SECISBP2: variants seen among roughly 807,000 people sequenced by gnomAD.
The protein encoded by SECISBP2 is SECIS binding protein 2, also known as selenocysteine insertion sequence-binding protein 2.
SECISBP2 carries 96 observed loss-of-function variants against 98.2 expected under a neutral mutation model. That is an observed-to-expected ratio of 0.98 (90% confidence interval 0.83 to 1.16). The LOEUF (loss-of-function observed/expected upper bound fraction) is 1.16. SECISBP2 is among the 50% of genes most tolerant of loss of function. SECISBP2 has a pLI of 0.00. For synonymous variants in SECISBP2, 407 were observed against 370.2 expected, an observed-to-expected ratio of 1.10 and a Z score of -1.14; for missense variants, 1,046 against 1,022.9, an observed-to-expected ratio of 1.02 and a Z score of -0.31.
At chr9:89,362,309 T>C, downstream of SECISBP2, 2 of 1,608,676 alleles carry the variant, frequency 1.2e-6, no homozygotes, top group Non-Finnish European at 1.7e-6. Flanking sequence ...TTCACAGTTG[T>C]GGGGGACCAG....
chr9:89,345,721 C>G (rs1030775107), intron 10 of SECISBP2, among the ~76,000 whole-genome samples: 4 of 152,064 alleles, frequency 2.6e-5, no homozygotes, highest in Non-Finnish European at 4.4e-5. Flanking sequence ...TTTGCAGGAG[C>G]CCAGGTGAGA....
downstream of SECISBP2, chr9:89,363,821 T>C (rs1276660359): frequency 6.2e-7 from 1 of 1,614,036 alleles, no homozygotes; most frequent in African/African-American, 1.3e-5. Context: ...CTCAGCGCTT[T>C]CCCTGATGGC....
In SECISBP2 at chr9:89,341,480, G is replaced by A. The variant is rs1395921612; in HGVS notation, c.1435+1G>A. ...TCCTCCAAACCAGTGGTAGTCTCAG[G>A]TAAGAGAGTCTTTCCATCTCAGGCA... On this transcript the variant is annotated splice_donor_variant, in intron 10 of 16. Coordinates refer to ENST00000375807, the MANE Select transcript of SECISBP2 (RefSeq NM_024077.5). LOFTEE classifies it high-confidence loss of function. The A allele has an allele frequency of 6.2e-7, 1 of 1,613,890 alleles. No homozygotes were observed. Among genetic ancestry groups the A allele is most frequent in the Non-Finnish European group, 8.5e-7 (1 of 1,180,002 alleles).
chr9:89,364,303 G>A (rs1158034077), downstream of SECISBP2: 2 of 375,584 alleles, frequency 5.3e-6, no homozygotes, highest in Non-Finnish European at 1.0e-5. Flanking sequence ...TGGCCCTGCT[G>A]CCACACACAT....
chr9:89,358,701 G>T lies in SECISBP2; in HGVS notation c.2462-20G>T, dbSNP rs372524954. 53 of 1,523,548 alleles carry T rather than the reference G, an allele frequency of 3.5e-5. No homozygotes were observed. The highest frequency in any genetic ancestry group is 3.0e-4 in the Admixed American group (18 of 59,856). The allele number at this position is 1,523,548 out of a possible 1,614,324, so 94.4% of individuals were successfully genotyped here. A position where few individuals can be genotyped will look rare whatever the true frequency, so the allele number is the denominator to read the frequency against. On this transcript the variant is annotated intron_variant, in intron 16 of 16. Transcript: ENST00000375807. ...ACTTGTTGATGCCTATTCCTCACTC[G>T]TGCTGTTTTCTCATTTTAGTTGAAA...
intron 2 of SECISBP2, chr9:89,324,945 G>A (rs1324693811): frequency 1.5e-5 from 3 of 197,496 alleles, no homozygotes; most frequent in East Asian, 1.4e-4. Flanking sequence ...GGTGCCGTGC[G>A]GTGTCTGCTT....
chr9:89,341,217 A>G, intron 9 of SECISBP2, 130 bp from the exon 10 acceptor site: 1 of 863,874 alleles, frequency 1.2e-6, no homozygotes, highest in East Asian at 2.7e-5. Flanking sequence ...TCCTTTCATT[A>G]CTTGAATTTT....
At chr9:89,328,293 G>A (rs1377831400) in intron 4 of SECISBP2, among the ~76,000 whole-genome samples, 1 of 152,086 alleles carries the variant, frequency 6.6e-6, no homozygotes, top group African/African-American at 2.4e-5. Flanking sequence ...GTGAGTAATC[G>A]CACCATGACA....
intron 8 of SECISBP2, among the ~76,000 whole-genome samples, chr9:89,339,287 A>T (rs1319546200): frequency 6.6e-6 from 1 of 152,194 alleles, no homozygotes; most frequent in African/African-American, 2.4e-5. Context: ...TTAGAACATC[A>T]TTTGAGAATA....
intron 10 of SECISBP2, among the ~76,000 whole-genome samples, chr9:89,343,715 C>T (rs1830011499): frequency 6.6e-6 from 1 of 152,202 alleles, no homozygotes; most frequent in African/African-American, 2.4e-5. Flanking sequence ...TGTATATGTA[C>T]CACATTTTCT....
downstream of SECISBP2, chr9:89,361,317 C>G (rs1415151638): frequency 6.6e-6 from 1 of 152,154 alleles, no homozygotes; most frequent in Non-Finnish European, 1.5e-5. Context: ...TTGTCCAGCT[C>G]CAGAAAGAGG....
intron 14 of SECISBP2, among the ~76,000 whole-genome samples, chr9:89,352,440 C>A (rs1460908637): frequency 1.3e-5 from 2 of 152,198 alleles, no homozygotes; most frequent in African/African-American, 4.8e-5. Flanking sequence ...TCATGGGAGG[C>A]ATATTTTGAA....
At chr9:89,352,234 G>A (rs763477814) in intron 14 of SECISBP2, among the ~76,000 whole-genome samples, 1 of 152,112 alleles carries the variant, frequency 6.6e-6, no homozygotes, top group African/African-American at 2.4e-5. Context: ...CCTCTAAGAC[G>A]GTTACACCAG....
intron 7 of SECISBP2, among the ~76,000 whole-genome samples, chr9:89,336,259 C>T (rs1828698747): frequency 6.6e-6 from 1 of 151,748 alleles, no homozygotes; most frequent in Non-Finnish European, 1.5e-5. Flanking sequence ...TGGTCTTGAA[C>T]TCCTGGGCTC....
chr9:89,349,715 G>C, intron 12 of SECISBP2, 61 bp from the exon 13 acceptor site: 2 of 1,587,176 alleles, frequency 1.3e-6, no homozygotes, highest in Non-Finnish European at 1.7e-6. Flanking sequence ...CATTGGGCCA[G>C]CCCCTCAGTG....
chr9:89,358,052 G>C lies in SECISBP2; in HGVS notation c.2322G>C (p.Lys774Asn), dbSNP rs1832366332. The change falls in exon 16 of 17, where the codon AAG (lysine) becomes AAC (asparagine). Residue 774 changes from lysine (K) to asparagine (N), a missense_variant. Physicochemically the swap from Lys to Asn is moderately conservative, Grantham distance 94. Coordinates refer to ENST00000375807, the MANE Select transcript of SECISBP2 (RefSeq NM_024077.5). The part of the protein sequence containing the change: ...ELTVAARQAY[K>N]TMLENVQQEL... ...CAGTGGCGGCCCGACAGGCGTACAAGACCATGCTGGAGAATGTGCAGCAGG... is the reference window on the plus strand; with the variant it reads ...CAGTGGCGGCCCGACAGGCGTACAACACCATGCTGGAGAATGTGCAGCAGG... 6.2e-7 allele frequency: 1 copy of C among 1,613,628 alleles called. No individual in the cohort carries two copies. Among genetic ancestry groups the C allele is most frequent in the African/African-American group, 1.3e-5 (1 of 74,922 alleles).
intron 5 of SECISBP2, 92 bp downstream of exon 5, chr9:89,328,978 T>G: frequency 1.9e-6 from 2 of 1,056,076 alleles, no homozygotes; most frequent in Non-Finnish European, 2.9e-6. Flanking sequence ...GCTGTGGGCT[T>G]TGATGTCCAT....
At chr9:89,327,157 C>T (rs1191849433) in intron 4 of SECISBP2, among the ~76,000 whole-genome samples, 1 of 150,900 alleles carries the variant, frequency 6.6e-6, no homozygotes, top group Non-Finnish European at 1.5e-5. Context: ...GAGCGAGACT[C>T]CGTCTCCAAA....
Position 89,338,454 on chromosome 9 carries a change from C to G in SECISBP2, c.1090-4C>G, listed in dbSNP as rs1171256863. 6.2e-7 allele frequency: 1 copy of G among 1,612,888 alleles called. No individual in the cohort carries two copies. The highest frequency in any genetic ancestry group is 2.2e-5 in the East Asian group (1 of 44,806). On this transcript the variant is annotated splice_polypyrimidine_tract_variant and splice_region_variant and intron_variant, in intron 7 of 16. Transcript: ENST00000375807. Reference sequence around the variant, plus strand: ...GGATTTTTTGCTTTGATTTTCTGTTCTAGTCTAAAGCATCACAAGGTAGTG... The same window carrying G: ...GGATTTTTTGCTTTGATTTTCTGTTGTAGTCTAAAGCATCACAAGGTAGTG...
Sources: allele counts gnomAD v4.1 joint callset (sites outside exome capture counted in the v4.1 genomes callset), GRCh38; gene constraint gnomAD v4.1.1; transcripts MANE v1.5; gene names NCBI Gene and HGNC (gene_info 2026-07-23, HGNC 2026-07-21).